The following CACNG3 variants were observed in gnomAD, a reference collection of about 807,000 sequenced individuals.
CACNG3 encodes calcium voltage-gated channel auxiliary subunit gamma 3, also known as voltage-dependent calcium channel gamma-3 subunit.
CACNG3 carries 3 observed loss-of-function variants against 28.5 expected under a neutral mutation model. The ratio of observed to expected loss-of-function variants is 0.11; its 90% CI spans 0.05 to 0.27. CACNG3 has a LOEUF of 0.27. Ranked by LOEUF, CACNG3 falls within the 10% of genes least tolerant of loss-of-function variation. The pLI is 1.00. For missense variants in CACNG3, 236 were observed against 414.4 expected (o/e 0.57, Z 3.74); for synonymous variants, 174 against 162.2 (o/e 1.07, Z -0.55).
intron 1 of CACNG3, among the ~76,000 whole-genome samples, chr16:24,271,360 A>T (rs1898688422): frequency 6.6e-6 from 1 of 152,044 alleles, no homozygotes; most frequent in Non-Finnish European, 1.5e-5. Context: ...ATTTTTCAGT[A>T]TTTCATTTCT....
chr16:24,355,970 AAAAGGGTCCTGTT>A (rs1900026442), intron 3 of CACNG3, among the ~76,000 whole-genome samples: 1 of 152,168 alleles, frequency 6.6e-6, no homozygotes, highest in African/African-American at 2.4e-5. Context: ...CAACTTTCAG[AAAAGGGTCCTGTT>A]AAAGGGTCCT....
chr16:24,287,475 G>C lies in CACNG3; in HGVS notation c.211+30510G>C, dbSNP rs189449050. The stretch of plus-strand genomic sequence containing the variant: ...GGAGGTTGCAGTGAGCCGAGATCAA[G>C]CCACTGCACTCCAGCTGGGGCAACA... On this transcript the variant is annotated intron_variant, in intron 1 of 3. Coordinates refer to ENST00000005284, the MANE Select transcript of CACNG3 (RefSeq NM_006539.4). 5.3e-3 allele frequency among the ~76,000 whole-genome samples: 685 copies of C among 129,594 alleles called. 14 individuals carry two copies. The highest frequency in any genetic ancestry group is 5.8e-3 in the Admixed American group (60 of 10,324). 85.0% of individuals were successfully genotyped at this position (129,594 alleles called of 152,430 possible).
At chr16:24,330,327 C>T (rs1342055739) in intron 1 of CACNG3, among the ~76,000 whole-genome samples, 3 of 152,188 alleles carry the variant, frequency 2.0e-5, no homozygotes, top group East Asian at 3.9e-4. Context: ...AGGCCTCAAT[C>T]CCAAATCTTC....
At chr16:24,291,398 G>A (rs779551179) in intron 1 of CACNG3, among the ~76,000 whole-genome samples, 14 of 152,068 alleles carry the variant, frequency 9.2e-5, no homozygotes, top group East Asian at 1.9e-4. Context: ...AAGACTGTGC[G>A]GTCCAACAAA....
intron 1 of CACNG3, among the ~76,000 whole-genome samples, chr16:24,281,717 T>C (rs1898831192): frequency 1.3e-5 from 2 of 152,162 alleles, no homozygotes; most frequent in Admixed American, 1.3e-4. Flanking sequence ...CAAAGATAAT[T>C]ATGATGATAA....
At chr16:24,348,973 C>T (rs1177897795) in intron 2 of CACNG3, among the ~76,000 whole-genome samples, 4 of 152,180 alleles carry the variant, frequency 2.6e-5, no homozygotes, top group Non-Finnish European at 1.5e-5. Flanking sequence ...CTCTCCTCAC[C>T]CCTAGCCCTC....
At chr16:24,342,099 C>T (rs1052808319) in intron 1 of CACNG3, among the ~76,000 whole-genome samples, 13 of 152,024 alleles carry the variant, frequency 8.6e-5, no homozygotes, top group Non-Finnish European at 2.9e-5. Flanking sequence ...GAAACCCTGT[C>T]TCTACTAAAA....
At chr16:24,310,857 A>G (rs1899251400) in intron 1 of CACNG3, among the ~76,000 whole-genome samples, 1 of 152,188 alleles carries the variant, frequency 6.6e-6, no homozygotes, top group African/African-American at 2.4e-5. Flanking sequence ...TGTTCATTCA[A>G]CAGGAAGTTT....
chr16:24,325,560 C>A (rs957462946), intron 1 of CACNG3, among the ~76,000 whole-genome samples: 2 of 152,234 alleles, frequency 1.3e-5, no homozygotes, highest in African/African-American at 4.8e-5. Context: ...GCGAGCTCTG[C>A]GGCTGGGAGA....
At chr16:24,334,856 C>A (rs1899680357) in intron 1 of CACNG3, among the ~76,000 whole-genome samples, 1 of 152,182 alleles carries the variant, frequency 6.6e-6, no homozygotes, top group South Asian at 2.1e-4. Flanking sequence ...TGAGAATACA[C>A]ACGCATGCAT....
chr16:24,280,844 A>AAAAAAAAAAAAAC (rs1414360076), intron 1 of CACNG3, among the ~76,000 whole-genome samples: 1 of 151,064 alleles, frequency 6.6e-6, no homozygotes. Flanking sequence ...AAAAAAAAAA[A>AAAAAAAAAAAAAC]AGACCAGACC....
chr16:24,311,873 T>C (rs570994897), intron 1 of CACNG3, among the ~76,000 whole-genome samples: 1 of 152,192 alleles, frequency 6.6e-6, no homozygotes, highest in South Asian at 2.1e-4. Context: ...ACAAATAAAA[T>C]TAAATGGTGG....
chr16:24,306,045 T>C (rs1006171077), intron 1 of CACNG3, among the ~76,000 whole-genome samples: 1 of 152,110 alleles, frequency 6.6e-6, no homozygotes, highest in Non-Finnish European at 1.5e-5. Flanking sequence ...TCCAAGGCAA[T>C]TGACAGGCAC....
intron 1 of CACNG3, among the ~76,000 whole-genome samples, chr16:24,271,899 C>T (rs1898696172): frequency 6.6e-6 from 1 of 152,066 alleles, no homozygotes; most frequent in South Asian, 2.1e-4. Flanking sequence ...GTGCTCAAAA[C>T]ACATTTGCCA....
chr16:24,272,618 C>T (rs1024683923), intron 1 of CACNG3, among the ~76,000 whole-genome samples: 3 of 152,216 alleles, frequency 2.0e-5, no homozygotes, highest in South Asian at 4.1e-4. Context: ...GATCTTCCTA[C>T]AATTATCTCA....
chr16:24,307,065 T>C (rs1293708973), intron 1 of CACNG3, among the ~76,000 whole-genome samples: 1 of 152,186 alleles, frequency 6.6e-6, no homozygotes, highest in Non-Finnish European at 1.5e-5. Flanking sequence ...CTGGGCAGTA[T>C]GAGGGTATAG....
At chr16:24,341,502 T>C (rs1461064687) in intron 1 of CACNG3, among the ~76,000 whole-genome samples, 2 of 152,204 alleles carry the variant, frequency 1.3e-5, no homozygotes, top group Admixed American at 1.3e-4. Flanking sequence ...TTTATGTCAT[T>C]GCCTAATTAA....
intron 1 of CACNG3, among the ~76,000 whole-genome samples, chr16:24,275,184 A>G (rs1337695024): frequency 7.3e-6 from 1 of 136,800 alleles, no homozygotes; most frequent in Non-Finnish European, 1.6e-5. Context: ...ATACAGCAAG[A>G]CTCCATCTCC....
At chr16:24,321,452 A>C (rs927920049) in intron 1 of CACNG3, among the ~76,000 whole-genome samples, 1 of 152,188 alleles carries the variant, frequency 6.6e-6, no homozygotes, top group African/African-American at 2.4e-5. Flanking sequence ...AAAATAAATA[A>C]ATAAATAAAT....
Sources: allele counts gnomAD v4.1 joint callset (sites outside exome capture counted in the v4.1 genomes callset), GRCh38; gene constraint gnomAD v4.1.1; transcripts MANE v1.5; gene names NCBI Gene and HGNC (gene_info 2026-07-23, HGNC 2026-07-21).